Variants in NT5DC1 observed in about 807,000 individuals in gnomAD.
NT5DC1 encodes the protein 5'-nucleotidase domain containing 1, also known as 5'-nucleotidase domain-containing protein 1.
A neutral mutation model predicts 59.4 loss-of-function variants in NT5DC1; 42 were observed. That is an observed-to-expected ratio of 0.71 (90% CI 0.55 to 0.92). NT5DC1 has a LOEUF of 0.92. Among genes scored for constraint, NT5DC1 ranks in the 40% least tolerant of loss-of-function variants. NT5DC1 has a pLI of 0.00. For synonymous variants in NT5DC1, 172 were observed against 188.1 expected, an observed-to-expected ratio of 0.91 and a Z score of 0.70; for missense variants, 501 against 537.1, an observed-to-expected ratio of 0.93 and a Z score of 0.66.
At chr6:116,140,041 G>A (rs1779726031) in intron 6 of NT5DC1, among the ~76,000 whole-genome samples, 1 of 152,124 alleles carries the variant, frequency 6.6e-6, no homozygotes, top group South Asian at 2.1e-4. Context: ...ATTTTGTAAG[G>A]AAACTGAAGC....
At chr6:116,222,197 G>A (rs1318986854) in intron 7 of NT5DC1, among the ~76,000 whole-genome samples, 1 of 152,164 alleles carries the variant, frequency 6.6e-6, no homozygotes, top group Admixed American at 6.6e-5. Flanking sequence ...TCTTTTGGGT[G>A]AATTAAGGCT....
chr6:116,101,150 G>A, intron 1 of NT5DC1, 127 bp downstream of exon 1: 1 of 658,556 alleles, frequency 1.5e-6, no homozygotes, highest in Non-Finnish European at 2.5e-6. Context: ...TTGCCGCAGA[G>A]CGCGGCCTCC....
chr6:116,120,977 C>A (rs1779101917), intron 6 of NT5DC1: 1 of 1,613,884 alleles, frequency 6.2e-7, no homozygotes, highest in African/African-American at 1.3e-5. Context: ...CCCAGGGGAA[C>A]CCCTTTCACC....
In NT5DC1 at chr6:116,121,899, G is replaced by T. The variant is rs779135977; in HGVS notation, c.529+3954G>T. 5 of 1,613,784 alleles carry T rather than the reference G, an allele frequency of 3.1e-6. No homozygotes were observed. The African/African-American group carries it at 4.0e-5, about 13-fold the overall frequency. On this transcript the variant is annotated intron_variant, in intron 6 of 11. Transcript: ENST00000319550. ...CCTGGTGGTCCAGAAGGACCTGGGT[G>T]CCCTCGAGGTCCAGCAGGGCCTGGT...
intron 6 of NT5DC1, among the ~76,000 whole-genome samples, chr6:116,184,668 C>A (rs1309028028): frequency 6.6e-6 from 1 of 151,854 alleles, no homozygotes; most frequent in Non-Finnish European, 1.5e-5. Flanking sequence ...CTAGTTTATG[C>A]CCATAGAGGT....
At position 116,238,254 on chromosome 6, in the gene NT5DC1, C is replaced by T. The variant is rs777618593; in HGVS notation, c.989C>T (p.Thr330Ile). Residue 330 changes from threonine to isoleucine, a missense_variant, in exon 10 of 12, where the codon ACA becomes ATA. By Grantham distance (89) the Thr-to-Ile change is moderately conservative. Coordinates refer to ENST00000319550, the MANE Select transcript of NT5DC1 (RefSeq NM_152729.3). The stretch of plus-strand genomic sequence containing the variant: ...GCTCGTCACTATAGTAATTGGGAGA[C>T]AGTCCTCATCCTGGAAGAACTCAGA... ...FPARHYSNWE[T>I]VLILEELRGD... 1.2e-6 allele frequency: 2 copies of T among 1,612,008 alleles called. No individual in the cohort carries two copies. Among genetic ancestry groups the T allele is most frequent in the African/African-American group, 1.3e-5 (1 of 74,804 alleles).
intron 6 of NT5DC1, among the ~76,000 whole-genome samples, chr6:116,122,503 A>G (rs1278192162): frequency 6.6e-6 from 1 of 152,190 alleles, no homozygotes; most frequent in Non-Finnish European, 1.5e-5. Context: ...TCCATTATTG[A>G]CTTAAAATTG....
At chr6:116,125,929 G>A (rs1779287665) in intron 6 of NT5DC1, 1 of 158,444 alleles carries the variant, frequency 6.3e-6, no homozygotes, top group South Asian at 1.8e-4. Flanking sequence ...GTGCATTTTA[G>A]TAGAAACCCA....
chr6:116,228,990 T>C (rs541506179), intron 8 of NT5DC1, among the ~76,000 whole-genome samples: 2 of 152,318 alleles, frequency 1.3e-5, no homozygotes, highest in South Asian at 4.1e-4. Context: ...TCTCTGACCT[T>C]CAGAAGCCCA....
At chr6:116,209,611 G>C (rs779834781) in intron 6 of NT5DC1, among the ~76,000 whole-genome samples, 1 of 151,914 alleles carries the variant, frequency 6.6e-6, no homozygotes, top group Non-Finnish European at 1.5e-5. Context: ...AGCTTCCAAG[G>C]TTCACCAGGC....
chr6:116,247,865 A>G lies in NT5DC1; in HGVS notation c.*3841A>G, dbSNP rs1235535333. 6.6e-6 allele frequency: 1 copy of G among 152,236 alleles called. No homozygotes were observed. The highest frequency in any genetic ancestry group is 1.5e-5 in the Non-Finnish European group (1 of 68,042). 9.4% of individuals were successfully genotyped at this position (152,236 alleles called of 1,614,324 possible). ...GTTACTTACAATGCTTAGCAGCTAA[A>G]TTCCATGAGTATAACGTTTAATGTC... On this transcript the variant is annotated 3_prime_UTR_variant, in exon 12 of 12. Coordinates refer to ENST00000319550, the MANE Select transcript of NT5DC1 (RefSeq NM_152729.3).
At chr6:116,219,765 C>A (rs1338710075) in intron 6 of NT5DC1, among the ~76,000 whole-genome samples, 2 of 151,928 alleles carry the variant, frequency 1.3e-5, no homozygotes, top group East Asian at 3.9e-4. Context: ...ACCATTAGAC[C>A]ATTCTGGCAA....
intron 4 of NT5DC1, among the ~76,000 whole-genome samples, chr6:116,112,400 A>G (rs139321619): frequency 6.6e-6 from 1 of 152,366 alleles, no homozygotes; most frequent in East Asian, 1.9e-4. Context: ...AAGTTTGTTT[A>G]CGTTAAATAT....
chr6:116,223,977 A>G (rs1368985259), intron 8 of NT5DC1, among the ~76,000 whole-genome samples: 1 of 152,224 alleles, frequency 6.6e-6, no homozygotes, highest in Non-Finnish European at 1.5e-5. Flanking sequence ...GAATGATAAA[A>G]TTAACATACA....
intron 6 of NT5DC1, chr6:116,158,750 T>C (rs1280815603): frequency 6.6e-6 from 1 of 152,216 alleles, no homozygotes; most frequent in Non-Finnish European, 1.5e-5. Context: ...GTAAAAACAG[T>C]CCACTACTTC....
At chr6:116,142,954 G>A (rs1349541402) in intron 6 of NT5DC1, among the ~76,000 whole-genome samples, 1 of 152,090 alleles carries the variant, frequency 6.6e-6, no homozygotes, top group Non-Finnish European at 1.5e-5. Context: ...ACTATTCTCT[G>A]TGTTTCATGG....
At chr6:116,117,003 T>A (rs757587797) in intron 5 of NT5DC1, among the ~76,000 whole-genome samples, 1 of 152,198 alleles carries the variant, frequency 6.6e-6, no homozygotes, top group Non-Finnish European at 1.5e-5. Flanking sequence ...GAAAACAATT[T>A]ACAGTTCGGA....
In NT5DC1 at chr6:116,100,996, T is replaced by G. The variant is rs774966957; in HGVS notation, c.66T>G (p.Cys22Trp). ...GATTCGACCTGGACCACACTCTGTG[T>G]CGCTACAACCTGCCCGAGAGCGCCC... ...VVGFDLDHTL[C>W]RYNLPESAPL... Residue 22 changes from cysteine (C) to tryptophan (W), a missense_variant, in exon 1 of 12, where the codon TGT becomes TGG. By Grantham distance (215) the Cys-to-Trp change is radical (BLOSUM62 -2). Coordinates refer to ENST00000319550, the MANE Select transcript of NT5DC1 (RefSeq NM_152729.3). The G allele has an allele frequency of 6.2e-7, 1 of 1,603,142 alleles. No homozygotes were observed. Among genetic ancestry groups the G allele is most frequent in the Non-Finnish European group, 8.5e-7 (1 of 1,176,208 alleles).
At chr6:116,214,250 A>C (rs535005144) in intron 6 of NT5DC1, among the ~76,000 whole-genome samples, 1 of 152,266 alleles carries the variant, frequency 6.6e-6, no homozygotes, top group East Asian at 1.9e-4. Flanking sequence ...TAGTACACTG[A>C]AAAAACATAA....
Sources: allele counts gnomAD v4.1 joint callset (sites outside exome capture counted in the v4.1 genomes callset), GRCh38; gene constraint gnomAD v4.1.1; transcripts MANE v1.5; gene names NCBI Gene and HGNC (gene_info 2026-07-23, HGNC 2026-07-21).